AP2A2: variants seen among roughly 807,000 people sequenced by gnomAD.
AP2A2 encodes AP-2 complex subunit alpha-2.
A neutral mutation model predicts 104.2 loss-of-function variants in AP2A2; 32 were observed. That is an observed-to-expected ratio of 0.31 (90% CI 0.23 to 0.41). The LOEUF is 0.41. Among genes scored for constraint, AP2A2 ranks in the 10% least tolerant of loss-of-function variants. The probability of loss-of-function intolerance (pLI) is 1.00; values close to 1 mark genes in which losing one functional copy is unlikely to be tolerated. For missense variants in AP2A2, 912 were observed against 1,261.0 expected (o/e 0.72, Z 4.19); for synonymous variants, 539 against 533.3 (o/e 1.01, Z -0.15).
At chr11:977,061 C>G (rs1301867984) in intron 4 of AP2A2, 34 bp from the exon 5 acceptor site, 1 of 1,612,398 alleles carries the variant, frequency 6.2e-7, no homozygotes, top group South Asian at 1.1e-5. Flanking sequence ...TGTCTTCAGC[C>G]TGTTGCGAGT....
intron 16 of AP2A2, among the ~76,000 whole-genome samples, chr11:1,004,254 C>T (rs1856125411): frequency 6.6e-6 from 1 of 152,224 alleles, no homozygotes; most frequent in African/African-American, 2.4e-5. Context: ...AGGCAGATCA[C>T]TTGAGGCCAG....
In AP2A2 at chr11:1,010,407, GCT is replaced by G. The variant is rs1431977698; in HGVS notation, c.2743-139_2743-138del. Reference sequence around the variant, plus strand: ...TTTTCATGCTGACAGTGTGTGTGGTGCTCAGGCCTCTGCCGAGTTGTGGGTGC... The same window carrying G: ...TTTTCATGCTGACAGTGTGTGTGGTGCAGGCCTCTGCCGAGTTGTGGGTGC... On this transcript the variant is annotated intron_variant, in intron 21 of 21. Coordinates refer to ENST00000448903, the MANE Select transcript of AP2A2 (RefSeq NM_012305.4). 7.9e-5 allele frequency: 52 copies of G among 656,790 alleles called. No individual in the cohort carries two copies. In the East Asian group the frequency reaches 1.4e-3, roughly 18 times the overall value. 40.7% of individuals were successfully genotyped at this position (656,790 alleles called of 1,614,324 possible). A position where few individuals can be genotyped will look rare whatever the true frequency, so the allele number is the denominator to read the frequency against.
chr11:964,727 C>T (rs1428032865), intron 2 of AP2A2, among the ~76,000 whole-genome samples: 1 of 151,650 alleles, frequency 6.6e-6, no homozygotes, highest in Admixed American at 6.6e-5. Context: ...CTGCCGAAGA[C>T]AGAAATGGAA....
chr11:990,801 T>G (rs1315037446), intron 10 of AP2A2, among the ~76,000 whole-genome samples: 12 of 131,120 alleles, frequency 9.2e-5, no homozygotes, highest in Admixed American at 6.4e-4. Context: ...CATCTGGGCA[T>G]GGTGCTCCCC....
Position 1,000,571 on chromosome 11 carries a change from C to T in AP2A2, c.2096C>T (p.Ala699Val), listed in dbSNP as rs1001533495. The change falls in exon 15 of 22, where the codon GCT becomes GTT. Residue 699 changes from alanine to valine, a missense_variant. Physicochemically the swap from Ala to Val is moderately conservative, Grantham distance 64. Coordinates refer to ENST00000448903, the MANE Select transcript of AP2A2 (RefSeq NM_012305.4). ...SDSASVVAPL[A>V]PGSEDNFARF... is the part of the protein sequence containing the mutation. ...TCGGCCTCTGTGGTCGCGCCTCTCG[C>T]TCCTGGCTCCGAAGACAACTTTGCC... The T allele has an allele frequency of 1.6e-5, 25 of 1,549,986 alleles. No individual in the cohort carries two copies. Among genetic ancestry groups the T allele is most frequent in the African/African-American group, 5.4e-5 (4 of 73,682 alleles).
intron 1 of AP2A2, chr11:943,169 A>G (rs1853712537): frequency 6.6e-6 from 1 of 152,196 alleles, no homozygotes; most frequent in African/African-American, 2.4e-5. Context: ...CGAGTTAAAG[A>G]AGGGCTTTAT....
At chr11:950,192 TCCTA>T (rs1853999966) in intron 1 of AP2A2, among the ~76,000 whole-genome samples, 2 of 152,030 alleles carry the variant, frequency 1.3e-5, no homozygotes, top group African/African-American at 4.8e-5. Flanking sequence ...GTAAATGGAC[TCCTA>T]CCTTACACTA....
At chr11:1,006,418 A>G (rs1490675347) in intron 16 of AP2A2, 110 bp from the exon 17 acceptor site, 1 of 795,006 alleles carries the variant, frequency 1.3e-6, no homozygotes, top group Non-Finnish European at 2.1e-6. Flanking sequence ...ACATCACAAC[A>G]GTGAACTTAA....
At chr11:946,284 G>A (rs1275857172) in intron 1 of AP2A2, among the ~76,000 whole-genome samples, 1 of 152,194 alleles carries the variant, frequency 6.6e-6, no homozygotes, top group Non-Finnish European at 1.5e-5. Flanking sequence ...AAAGCCAGCA[G>A]CCTAGCAGCT....
At chr11:991,036 C>A (rs1392427814) in intron 10 of AP2A2, among the ~76,000 whole-genome samples, 1 of 151,220 alleles carries the variant, frequency 6.6e-6, no homozygotes. Context: ...TTCAGCCGGG[C>A]ACGATGCTCC....
At chr11:941,847 A>G (rs1853657836) in intron 1 of AP2A2, among the ~76,000 whole-genome samples, 1 of 152,138 alleles carries the variant, frequency 6.6e-6, no homozygotes, top group Non-Finnish European at 1.5e-5. Context: ...TTGGCCTCCC[A>G]AAGTGGTGGG....
intron 13 of AP2A2, 21 bp from the exon 14 acceptor site, chr11:994,051 C>T: frequency 2.5e-6 from 4 of 1,611,754 alleles, no homozygotes; most frequent in Non-Finnish European, 3.4e-6. Context: ...CTGACCAGTC[C>T]CACCCTGTGT....
intron 18 of AP2A2, chr11:1,008,588 C>T (rs767782054): frequency 1.0e-5 from 2 of 193,700 alleles, no homozygotes; most frequent in Non-Finnish European, 2.1e-5. Flanking sequence ...TTTCCTGTTG[C>T]GACTGTTCAT....
chr11:1,003,342 T>A (rs1226239233), intron 15 of AP2A2, among the ~76,000 whole-genome samples: 1 of 152,212 alleles, frequency 6.6e-6, no homozygotes. Context: ...GGCGAGGCCC[T>A]CGCTGGGTGG....
Position 985,569 on chromosome 11 carries a change from A to T in AP2A2, c.949A>T (p.Ile317Phe). ...GCTCTTCGAGGCCATCAGCTTAATC[A>T]TTCACCATGACAGGTGTGTCGGCTG... ...AVLFEAISLI[I>F]HHDSEPNLLV... is the part of the protein sequence containing the mutation. The change falls in exon 8 of 22, where the codon ATT (isoleucine) becomes TTT (phenylalanine). Residue 317 changes from isoleucine to phenylalanine, a missense_variant. By Grantham distance (21) the Ile-to-Phe change is conservative. Coordinates refer to ENST00000448903, the MANE Select transcript of AP2A2 (RefSeq NM_012305.4). 6.2e-7 allele frequency: 1 copy of T among 1,613,924 alleles called. No homozygotes were observed.
chr11:965,660 C>T (rs867785405), intron 2 of AP2A2, among the ~76,000 whole-genome samples: 56 of 152,162 alleles, frequency 3.7e-4, no homozygotes, highest in Admixed American at 3.1e-3. Flanking sequence ...CCAGATCTGA[C>T]GGTGTCTTGA....
At chr11:969,216 A>G (rs11246360) in intron 2 of AP2A2, among the ~76,000 whole-genome samples, 71,646 of 126,118 alleles carry the variant, frequency 0.57, 21,309 homozygotes, top group Middle Eastern at 0.72. Flanking sequence ...AATGTAGAAC[A>G]GCCCTTTTTT....
intron 16 of AP2A2, among the ~76,000 whole-genome samples, chr11:1,004,852 T>C (rs1409506188): frequency 6.6e-6 from 1 of 152,156 alleles, no homozygotes; most frequent in Admixed American, 6.5e-5. Context: ...AAAGAGTGTC[T>C]GCAGGGCGTG....
chr11:994,292 C>T (rs778972675), intron 14 of AP2A2, 47 bp downstream of exon 14: 31 of 1,599,212 alleles, frequency 1.9e-5, no homozygotes, highest in African/African-American at 4.0e-5. Flanking sequence ...GGGCCTCACC[C>T]CCAAGACTTG....
Sources: allele counts gnomAD v4.1 joint callset (sites outside exome capture counted in the v4.1 genomes callset), GRCh38; gene constraint gnomAD v4.1.1; transcripts MANE v1.5; gene names NCBI Gene and HGNC (gene_info 2026-07-23, HGNC 2026-07-21).